The following ROBO2 variants were observed in gnomAD, a reference collection of about 807,000 sequenced individuals.
ROBO2 encodes the protein roundabout guidance receptor 2.
ROBO2 carries 53 observed loss-of-function variants against 160.8 expected under a neutral mutation model. The observed-to-expected ratio is 0.33, with a 90% CI of 0.26 to 0.41. ROBO2 has a LOEUF of 0.41. ROBO2 is among the 10% of genes least tolerant of loss of function. The pLI, the probability that ROBO2 is intolerant of heterozygous loss-of-function variation, is 1.00. For synonymous variants in ROBO2, 664 were observed against 611.7 expected (o/e 1.09, Z -1.26); for missense variants, 1,577 against 1,722.4 (o/e 0.92, Z 1.49).
At chr3:76,983,520 A>G (rs911304685) in intron 2 of ROBO2, among the ~76,000 whole-genome samples, 3 of 152,184 alleles carry the variant, frequency 2.0e-5, no homozygotes, top group Non-Finnish European at 2.9e-5. Context: ...AGTAATGTCT[A>G]TATTGATTTC....
At chr3:77,070,681 G>A (rs1047641522) in intron 1 of ROBO2, among the ~76,000 whole-genome samples, 13 of 152,112 alleles carry the variant, frequency 8.5e-5, no homozygotes, top group African/African-American at 3.1e-4. Context: ...GCATGGAATG[G>A]GATAGATAGG....
chr3:76,759,077 A>G (rs2061151671), intron 2 of ROBO2, among the ~76,000 whole-genome samples: 1 of 151,800 alleles, frequency 6.6e-6, no homozygotes, highest in African/African-American at 2.4e-5. Context: ...TTGAAAATAT[A>G]TTTACTTTTT....
At chr3:76,133,467 A>G (rs2071308703) in intron 2 of ROBO2, among the ~76,000 whole-genome samples, 1 of 152,078 alleles carries the variant, frequency 6.6e-6, no homozygotes, top group South Asian at 2.1e-4. Flanking sequence ...AGATGAATAT[A>G]TGAAAAGAAG....
intron 2 of ROBO2, among the ~76,000 whole-genome samples, chr3:76,578,428 T>C (rs1028877454): frequency 1.7e-4 from 26 of 152,266 alleles, no homozygotes; most frequent in Middle Eastern, 3.4e-3. Flanking sequence ...CCCCCATTCA[T>C]TTCTTCATAT....
At chr3:76,001,602 A>G (rs527251142) in intron 2 of ROBO2, among the ~76,000 whole-genome samples, 6 of 152,148 alleles carry the variant, frequency 3.9e-5, no homozygotes, top group East Asian at 1.9e-4. Flanking sequence ...CAGTGGTGCA[A>G]TCATGGCTCA....
At chr3:76,929,455 C>T in intron 2 of ROBO2, among the ~76,000 whole-genome samples, 1 of 152,116 alleles carries the variant, frequency 6.6e-6, no homozygotes, top group East Asian at 1.9e-4. Flanking sequence ...AAAGTATATC[C>T]AGACTGCAAC....
intron 2 of ROBO2, among the ~76,000 whole-genome samples, chr3:76,146,374 G>A (rs2071888218): frequency 6.6e-6 from 1 of 151,748 alleles, no homozygotes; most frequent in South Asian, 2.1e-4. Context: ...TGTGTTATCA[G>A]CAAAGTCCCC....
At chr3:76,795,169 T>C (rs1232315447) in intron 2 of ROBO2, among the ~76,000 whole-genome samples, 1 of 152,068 alleles carries the variant, frequency 6.6e-6, no homozygotes, top group Non-Finnish European at 1.5e-5. Flanking sequence ...CAAGTCATAG[T>C]CTTTTCACTG....
At chr3:76,858,530 C>T (rs1325963387) in intron 2 of ROBO2, among the ~76,000 whole-genome samples, 2 of 152,124 alleles carry the variant, frequency 1.3e-5, no homozygotes, top group African/African-American at 4.8e-5. Flanking sequence ...TCTTAAAGTC[C>T]TAGGATTACA....
intron 2 of ROBO2, among the ~76,000 whole-genome samples, chr3:77,145,762 C>G (rs1361220141): frequency 6.6e-6 from 1 of 152,144 alleles, no homozygotes; most frequent in Admixed American, 6.5e-5. Flanking sequence ...TCTGTCACAG[C>G]AAATGCCATG....
intron 2 of ROBO2, among the ~76,000 whole-genome samples, chr3:77,161,792 C>T (rs1269252719): frequency 3.3e-5 from 5 of 151,302 alleles, no homozygotes; most frequent in Non-Finnish European, 5.9e-5. Context: ...TTATTCTTTT[C>T]TCTCTCCTTC....
rs142613886 is a variant in ROBO2 at position 76,410,704 on chromosome 3, C to A, written c.109+473102C>A. On this transcript the variant is annotated intron_variant, in intron 2 of 26. Coordinates refer to the ROBO2 transcript ENST00000487694. The stretch of plus-strand genomic sequence containing the variant: ...TGTTTCTGCTTATTGGTGAATGACA[C>A]TTCAGATTTATGCCCTAAAAGAATG... 3.8e-3 allele frequency among the ~76,000 whole-genome samples: 581 copies of A among 152,208 alleles called. 4 individuals carry two copies. The highest frequency in any genetic ancestry group is 0.013 in the African/African-American group (536 of 41,548).
intron 2 of ROBO2, among the ~76,000 whole-genome samples, chr3:76,903,956 G>GAAAAAT (rs143421077): frequency 0.011 from 1,718 of 152,152 alleles, 19 homozygotes; most frequent in African/African-American, 0.038. Context: ...AAAAGAAAAA[G>GAAAAAT]AAATTTGTAT....
intron 2 of ROBO2, among the ~76,000 whole-genome samples, chr3:77,237,201 T>C (rs1033415339): frequency 3.6e-5 from 5 of 139,434 alleles, no homozygotes; most frequent in Admixed American, 7.4e-5. Context: ...TTTTTTTTTT[T>C]CATTTTTCTT....
At chr3:77,566,625 T>C (rs551077825) in intron 12 of ROBO2, among the ~76,000 whole-genome samples, 4 of 152,106 alleles carry the variant, frequency 2.6e-5, no homozygotes, top group Non-Finnish European at 2.9e-5. Flanking sequence ...GCAGACCTTT[T>C]TGATCATTCG....
chr3:76,531,620 C>CTCT (rs2082233649), intron 2 of ROBO2, among the ~76,000 whole-genome samples: 1 of 121,856 alleles, frequency 8.2e-6, no homozygotes, highest in African/African-American at 3.0e-5. Flanking sequence ...TGTACAGTTT[C>CTCT]TTTTTTTTTT....
intron 2 of ROBO2, among the ~76,000 whole-genome samples, chr3:76,217,684 C>CA (rs1575932852): frequency 2.0e-5 from 3 of 151,958 alleles, no homozygotes; most frequent in Admixed American, 6.6e-5. Context: ...GCTTACCAAC[C>CA]AAAAAAATCC....
chr3:76,054,225 G>A (rs2067756190), intron 2 of ROBO2, among the ~76,000 whole-genome samples: 1 of 152,024 alleles, frequency 6.6e-6, no homozygotes, highest in Non-Finnish European at 1.5e-5. Flanking sequence ...CTTAGTTTAT[G>A]TTTGTATAAA....
chr3:77,360,987 T>C (rs2153467254), intron 2 of ROBO2, among the ~76,000 whole-genome samples: 1 of 152,318 alleles, frequency 6.6e-6, no homozygotes, highest in African/African-American at 2.4e-5. Context: ...TTATGACTTT[T>C]TAAATTGCAT....
Sources: allele counts gnomAD v4.1 joint callset (sites outside exome capture counted in the v4.1 genomes callset), GRCh38; gene constraint gnomAD v4.1.1; transcripts MANE v1.5; gene names NCBI Gene and HGNC (gene_info 2026-07-23, HGNC 2026-07-21).